Variants in YWHAZ observed in about 807,000 individuals in gnomAD.
YWHAZ encodes tyrosine 3-monooxygenase/tryptophan 5-monooxygenase activation protein zeta.
For missense variants in YWHAZ, 79 were observed against 284.8 expected (o/e 0.28, Z 5.20); for synonymous variants, 87 against 103.6 (o/e 0.84, Z 0.97).
At chr8:100,953,267 A>C, upstream of YWHAZ, 1 of 985,464 alleles carries the variant, frequency 1.0e-6, no homozygotes, top group Non-Finnish European at 1.2e-6. Flanking sequence ...GACGATCATT[A>C]CCTTTTTATC....
At chr8:100,940,512 A>T (rs967683936) in intron 2 of YWHAZ, among the ~76,000 whole-genome samples, 1 of 152,206 alleles carries the variant, frequency 6.6e-6, no homozygotes, top group Non-Finnish European at 1.5e-5. Context: ...GGGCTTTTAC[A>T]TTTATTTTTG....
At chr8:100,949,652 G>C (rs973712798) in intron 1 of YWHAZ, among the ~76,000 whole-genome samples, 1 of 152,138 alleles carries the variant, frequency 6.6e-6, no homozygotes, top group South Asian at 2.1e-4. Flanking sequence ...GTGAGTACTA[G>C]AATATATCAC....
At position 100,919,655 on chromosome 8, in the gene YWHAZ, C is replaced by G. The variant is rs1347098225; in HGVS notation, c.*1038G>C. 2.6e-5 allele frequency: 4 copies of G among 152,090 alleles called. No homozygotes were observed. Among genetic ancestry groups the G allele is most frequent in the Non-Finnish European group, 4.4e-5 (3 of 67,866 alleles). The allele number at this position is 152,090 out of a possible 1,614,324, so 9.4% of individuals were successfully genotyped here. On this transcript the variant is annotated 3_prime_UTR_variant, in exon 6 of 6. Transcript: ENST00000395958. ...ATTTCCTTTAGAGAAGTTTCAGAAC[C>G]AAGACTAATTTACATGAAAAGCTGT...
At chr8:100,932,866 TA>T (rs1055858620) in intron 2 of YWHAZ, among the ~76,000 whole-genome samples, 136 of 151,138 alleles carry the variant, frequency 9.0e-4, no homozygotes, top group African/African-American at 2.8e-3. Flanking sequence ...TCAAGGACAT[TA>T]AAAAAAAAGT....
chr8:100,951,168 C>T, intron 1 of YWHAZ: 1 of 985,252 alleles, frequency 1.0e-6, no homozygotes, highest in South Asian at 4.7e-5. Flanking sequence ...CCAGGCGAGC[C>T]CCACCCCAAA....
intron 2 of YWHAZ, among the ~76,000 whole-genome samples, chr8:100,930,988 A>G (rs1270015853): frequency 6.6e-6 from 1 of 152,218 alleles, no homozygotes; most frequent in East Asian, 1.9e-4. Flanking sequence ...AATATGTGAT[A>G]TGGGCTCTGA....
rs1384368208 is a variant in YWHAZ at position 100,924,311 on chromosome 8, C to A, written c.419-13G>T. 9.9e-6 allele frequency: 16 copies of A among 1,608,206 alleles called. No individual in the cohort carries two copies. The highest frequency in any genetic ancestry group is 1.4e-5 in the Non-Finnish European group (16 of 1,178,434). On this transcript the variant is annotated splice_polypyrimidine_tract_variant and intron_variant, in intron 3 of 5. Coordinates refer to ENST00000395958, the MANE Select transcript of YWHAZ (RefSeq NM_145690.3). The surrounding 1 kb of genome is among the most constrained non-coding windows in gnomAD (Gnocchi z 5.7). ...TGATCGACAATCCCTGGATAAGACA[C>A]ACCAAAACGTACTGAGATAAAGTGT...
rs1812757712 is a variant in YWHAZ, at chr8:100,917,569, A to G, written c.*3124T>C. ...CCTCTCTCTACTAAAAATACAAATA[A>G]TTAGCCAGGAGTGGTGGCACATGCC... On this transcript the variant is annotated 3_prime_UTR_variant, in exon 6 of 6. Transcript: ENST00000395958. 6.6e-6 allele frequency: 1 copy of G among 152,164 alleles called. No individual in the cohort carries two copies. Among genetic ancestry groups the G allele is most frequent in the Non-Finnish European group, 1.5e-5 (1 of 68,054 alleles). 9.4% of individuals were successfully genotyped at this position (152,164 alleles called of 1,614,324 possible). A position where few individuals can be genotyped will look rare whatever the true frequency, so the allele number is the denominator to read the frequency against.
At chr8:100,949,564 A>T in intron 1 of YWHAZ, among the ~76,000 whole-genome samples, 1 of 152,178 alleles carries the variant, frequency 6.6e-6, no homozygotes, top group Non-Finnish European at 1.5e-5. Flanking sequence ...ATCTGACCCT[A>T]ATGTCTCAAC....
Position 100,948,028 on chromosome 8 carries a change from T to G in YWHAZ, c.294+568A>C. On this transcript the variant is annotated intron_variant, in intron 2 of 5. Coordinates refer to ENST00000395958, the MANE Select transcript of YWHAZ (RefSeq NM_145690.3). This position sits in a 1 kb window ranked among gnomAD's most constrained non-coding sequence, Gnocchi z 4.2. ...CTCGATTCAAACTGGAAAATCAAGC[T>G]TGAGTTGTTCATAACCTTTCATCAT... The G allele has an allele frequency of 7.2e-7, 1 of 1,387,572 alleles. No homozygotes were observed. The highest frequency in any genetic ancestry group is 9.8e-7 in the Non-Finnish European group (1 of 1,021,924). 86.0% of individuals were successfully genotyped at this position (1,387,572 alleles called of 1,614,324 possible). A position where few individuals can be genotyped will look rare whatever the true frequency, so the allele number is the denominator to read the frequency against.
chr8:100,949,891 G>T (rs563574277), intron 1 of YWHAZ, among the ~76,000 whole-genome samples: 42 of 152,136 alleles, frequency 2.8e-4, no homozygotes, highest in East Asian at 5.8e-4. Flanking sequence ...GCAAGTTGCC[G>T]AACAGCACAA....
intron 2 of YWHAZ, among the ~76,000 whole-genome samples, chr8:100,947,111 G>A (rs1042975583): frequency 7.3e-5 from 11 of 151,618 alleles, no homozygotes; most frequent in African/African-American, 4.8e-5. Context: ...AAAATTAGCC[G>A]GGCGCAGTGG....
At chr8:100,928,083 T>C (rs1322552767) in intron 2 of YWHAZ, among the ~76,000 whole-genome samples, 4 of 151,956 alleles carry the variant, frequency 2.6e-5, no homozygotes, top group East Asian at 1.9e-4. Flanking sequence ...ATCGAGGCCA[T>C]CCTGGCTAAC....
rs776894338 is a variant in YWHAZ at position 100,917,264 on chromosome 8, TTC to T, written c.*3427_*3428del. 30 of 152,148 alleles carry T rather than the reference TTC, an allele frequency of 2.0e-4. No individual in the cohort carries two copies. Among genetic ancestry groups the T allele is most frequent in the Non-Finnish European group, 3.8e-4 (26 of 68,052 alleles). The allele number at this position is 152,148 out of a possible 1,614,324, so 9.4% of individuals were successfully genotyped here. A position where few individuals can be genotyped will look rare whatever the true frequency, so the allele number is the denominator to read the frequency against. On this transcript the variant is annotated 3_prime_UTR_variant, in exon 6 of 6. Transcript: ENST00000395958. ...CCCCAAAATTAAGCCACTAGACATA[TTC>T]TTTCTCTTTCTCCCCCCACCCCCTA...
At chr8:100,920,795 T>TTG (rs373030011) in intron 5 of YWHAZ, 43 bp from the exon 6 acceptor site, 8 of 88,798 alleles carry the variant, frequency 9.0e-5, no homozygotes, top group South Asian at 2.2e-4. Flanking sequence ...TTCAGTGGGA[T>TTG]GGGGGGGGGG....
At position 100,924,874 on chromosome 8, in the gene YWHAZ, T is replaced by C. The variant is rs1813255845; in HGVS notation, c.418+42A>G. 1 of 1,609,356 alleles carries C rather than the reference T, an allele frequency of 6.2e-7. No homozygotes were observed. Among genetic ancestry groups the C allele is most frequent in the Non-Finnish European group, 8.5e-7 (1 of 1,178,658 alleles). ...CTTCAGAGACTCTTCCTCACTATGT[T>C]ATCTTATACAAGTTCAACCAACAGG... On this transcript the variant is annotated intron_variant, in intron 3 of 5. Transcript: ENST00000395958. The surrounding 1 kb of genome is among the most constrained non-coding windows in gnomAD (Gnocchi z 5.7).
At chr8:100,936,050 T>C (rs1361336496) in intron 2 of YWHAZ, among the ~76,000 whole-genome samples, 1 of 152,208 alleles carries the variant, frequency 6.6e-6, no homozygotes, top group Non-Finnish European at 1.5e-5. Flanking sequence ...ATTTGTACAT[T>C]CACCTCAGTC....
At chr8:100,943,986 C>CAAAAAAAAAAAAAAAAAA (rs36113483) in intron 2 of YWHAZ, among the ~76,000 whole-genome samples, 4 of 116,458 alleles carry the variant, frequency 3.4e-5, no homozygotes, top group Non-Finnish European at 5.2e-5. Context: ...GACTCCGTCT[C>CAAAAAAAAAAAAAAAAAA]AAAAAAAAAA....
intron 2 of YWHAZ, among the ~76,000 whole-genome samples, chr8:100,947,876 T>G (rs1810422583): frequency 6.6e-6 from 1 of 152,250 alleles, no homozygotes; most frequent in African/African-American, 2.4e-5. Context: ...TACTGGTTTA[T>G]CCTCAAATTT....
Sources: allele counts gnomAD v4.1 joint callset (sites outside exome capture counted in the v4.1 genomes callset), GRCh38; gene constraint gnomAD v4.1.1; non-coding constraint Gnocchi (gnomAD v3.1); transcripts MANE v1.5; gene names NCBI Gene and HGNC (gene_info 2026-07-23, HGNC 2026-07-21).